TAFA2: variants seen among roughly 807,000 people sequenced by gnomAD.
The protein encoded by TAFA2 is TAFA chemokine like family member 2, also known as chemokine-like protein TAFA-2.
A neutral mutation model predicts 18.8 loss-of-function variants in TAFA2; 7 were observed. The ratio of observed to expected loss-of-function variants is 0.37; its 90% CI spans 0.21 to 0.70. The LOEUF (loss-of-function observed/expected upper bound fraction) is 0.70, where lower values mean the gene tolerates loss of function less well. Ranked by LOEUF, TAFA2 falls within the 30% of genes least tolerant of loss-of-function variation. The pLI, the probability that TAFA2 is intolerant of heterozygous loss-of-function variation, is 0.53. For synonymous variants in TAFA2, 60 were observed against 54.2 expected, an observed-to-expected ratio of 1.11 and a Z score of -0.47; for missense variants, 122 against 158.1, an observed-to-expected ratio of 0.77 and a Z score of 1.23.
chr12:61,728,788 G>T (rs553164491), intron 4 of TAFA2, among the ~76,000 whole-genome samples: 7 of 143,844 alleles, frequency 4.9e-5, no homozygotes, highest in African/African-American at 1.7e-4. Context: ...GCTAGTTGGT[G>T]TCCCAATACC....
intron 1 of TAFA2, chr12:62,198,085 C>A (rs987069912): frequency 6.6e-6 from 1 of 152,106 alleles, no homozygotes; most frequent in Non-Finnish European, 1.5e-5. Context: ...GCTTTTGGAG[C>A]ACTTCTAGCT....
intron 1 of TAFA2, chr12:61,879,861 A>G (rs1875040481): frequency 1.0e-6 from 1 of 986,348 alleles, no homozygotes; most frequent in Non-Finnish European, 1.6e-6. Flanking sequence ...AAGAAGTACC[A>G]TGATGAGATC....
chr12:62,074,780 C>T (rs1018962223), intron 1 of TAFA2, among the ~76,000 whole-genome samples: 4 of 150,226 alleles, frequency 2.7e-5, no homozygotes, highest in African/African-American at 9.9e-5. Context: ...CGGGACACTG[C>T]AACTTCCATT....
chr12:61,815,907 T>C (rs1242400338), intron 2 of TAFA2, among the ~76,000 whole-genome samples: 1 of 151,260 alleles, frequency 6.6e-6, no homozygotes, highest in Non-Finnish European at 1.5e-5. Context: ...GAGCTTCTAT[T>C]CTAGTGGAAG....
intron 1 of TAFA2, among the ~76,000 whole-genome samples, chr12:62,205,609 G>C (rs2062688580): frequency 6.6e-6 from 1 of 152,194 alleles, no homozygotes; most frequent in Non-Finnish European, 1.5e-5. Context: ...GTCTGGCCAT[G>C]ATCTGCCACA....
At chr12:61,878,024 G>T (rs1423644591) in intron 1 of TAFA2, 1 of 450,408 alleles carries the variant, frequency 2.2e-6, no homozygotes, top group East Asian at 7.0e-5. Flanking sequence ...TTGGAAACAT[G>T]TTAAGTGAAA....
intron 2 of TAFA2, among the ~76,000 whole-genome samples, chr12:61,859,829 A>AC (rs764441314): frequency 1.3e-5 from 2 of 152,198 alleles, no homozygotes; most frequent in Non-Finnish European, 2.9e-5. Flanking sequence ...AGCGACTCTG[A>AC]GGGGCTGACG....
At chr12:61,771,747 T>C (rs1008768923) in intron 2 of TAFA2, among the ~76,000 whole-genome samples, 1 of 151,774 alleles carries the variant, frequency 6.6e-6, no homozygotes, top group African/African-American at 2.4e-5. Context: ...ATGAAAAAAG[T>C]TTGTAGCATT....
chr12:61,845,571 A>G (rs929090889), intron 2 of TAFA2, among the ~76,000 whole-genome samples: 1 of 152,186 alleles, frequency 6.6e-6, no homozygotes, highest in Non-Finnish European at 1.5e-5. Flanking sequence ...AATTTTCCCT[A>G]TGAAGAGTTG....
intron 4 of TAFA2, among the ~76,000 whole-genome samples, chr12:61,746,351 C>A (rs983262162): frequency 1.3e-5 from 2 of 152,056 alleles, no homozygotes; most frequent in Admixed American, 6.6e-5. Context: ...GTCAATTAAC[C>A]CTCCTTCCTT....
At chr12:61,907,496 T>G (rs1876410853) in intron 1 of TAFA2, among the ~76,000 whole-genome samples, 2 of 152,084 alleles carry the variant, frequency 1.3e-5, no homozygotes, top group Non-Finnish European at 2.9e-5. Flanking sequence ...TTTCAGAAGA[T>G]GTATGGAAAT....
At chr12:61,835,405 A>C (rs1030169668) in intron 2 of TAFA2, among the ~76,000 whole-genome samples, 1 of 151,946 alleles carries the variant, frequency 6.6e-6, no homozygotes, top group Middle Eastern at 3.2e-3. Flanking sequence ...CAAGGGGTGC[A>C]TTTGCAGGTT....
At chr12:61,899,144 A>G (rs1377405465) in intron 1 of TAFA2, among the ~76,000 whole-genome samples, 1 of 152,110 alleles carries the variant, frequency 6.6e-6, no homozygotes, top group Non-Finnish European at 1.5e-5. Flanking sequence ...TTTGGTCAAA[A>G]CCATTCAGCA....
chr12:61,876,551 C>A (rs1046881031), intron 1 of TAFA2, among the ~76,000 whole-genome samples: 1 of 152,164 alleles, frequency 6.6e-6, no homozygotes, highest in East Asian at 1.9e-4. Flanking sequence ...AAACATGGAA[C>A]CTCCTCCTCA....
At chr12:62,135,151 A>G (rs939035975) in intron 1 of TAFA2, among the ~76,000 whole-genome samples, 1 of 152,068 alleles carries the variant, frequency 6.6e-6, no homozygotes, top group Non-Finnish European at 1.5e-5. Flanking sequence ...ACTGTGTCTT[A>G]GTCACAGCTG....
intron 1 of TAFA2, among the ~76,000 whole-genome samples, chr12:62,229,633 C>G (rs1458843680): frequency 7.3e-5 from 11 of 151,382 alleles, no homozygotes; most frequent in African/African-American, 2.4e-5. Context: ...TTCAGGATTT[C>G]TACATCTATG....
At chr12:62,039,243 C>G (rs1881693722) in intron 1 of TAFA2, among the ~76,000 whole-genome samples, 1 of 152,150 alleles carries the variant, frequency 6.6e-6, no homozygotes, top group Non-Finnish European at 1.5e-5. Context: ...ACTCTATGCA[C>G]CTTACACTAA....
chr12:61,931,196 T>C (rs1265577999), intron 1 of TAFA2, among the ~76,000 whole-genome samples: 2 of 152,206 alleles, frequency 1.3e-5, no homozygotes, highest in Non-Finnish European at 2.9e-5. Flanking sequence ...TTTAGGATTA[T>C]TGGAAACTCT....
chr12:62,114,822 C>A (rs963485622), intron 1 of TAFA2, among the ~76,000 whole-genome samples: 2 of 152,168 alleles, frequency 1.3e-5, no homozygotes, highest in African/African-American at 2.4e-5. Flanking sequence ...TATACAAAGT[C>A]TCACTATTAT....
Sources: allele counts gnomAD v4.1 joint callset (sites outside exome capture counted in the v4.1 genomes callset), GRCh38; gene constraint gnomAD v4.1.1; transcripts MANE v1.5; gene names NCBI Gene and HGNC (gene_info 2026-07-23, HGNC 2026-07-21).